Variants in DNAH6 observed in about 807,000 individuals in gnomAD.
The protein encoded by DNAH6 is dynein axonemal heavy chain 6.
DNAH6 carries 340 observed loss-of-function variants against 491.4 expected under a neutral mutation model. That is an observed-to-expected ratio of 0.69 (90% confidence interval 0.63 to 0.76). The LOEUF is 0.76. DNAH6 is among the 30% of genes least tolerant of loss of function. The pLI, the probability that DNAH6 is intolerant of heterozygous loss-of-function variation, is 0.00. For missense variants in DNAH6, 4,443 were observed against 4,972.2 expected (o/e 0.89, Z 3.20); for synonymous variants, 1,603 against 1,686.1 (o/e 0.95, Z 1.21).
chr2:84,718,997 T>C (rs2104913001), intron 59 of DNAH6, among the ~76,000 whole-genome samples: 1 of 152,370 alleles, frequency 6.6e-6, no homozygotes, highest in Non-Finnish European at 1.5e-5. Flanking sequence ...AAATTATTTC[T>C]CAGATTCAAA....
At chr2:84,781,335 A>G (rs1676676979) in intron 64 of DNAH6, among the ~76,000 whole-genome samples, 158 bp from the exon 65 acceptor site, 1 of 152,234 alleles carries the variant, frequency 6.6e-6, no homozygotes, top group African/African-American at 2.4e-5. Context: ...ATATTTTTAA[A>G]AACAAGAAAT....
intron 15 of DNAH6, among the ~76,000 whole-genome samples, chr2:84,587,505 G>A (rs1683684035): frequency 6.6e-6 from 1 of 152,136 alleles, no homozygotes; most frequent in South Asian, 2.1e-4. Context: ...TTCTATAGAA[G>A]GTTTGAAATT....
chr2:84,536,725 G>A (rs1677728171), intron 4 of DNAH6, among the ~76,000 whole-genome samples: 1 of 151,986 alleles, frequency 6.6e-6, no homozygotes, highest in South Asian at 2.1e-4. Context: ...GCCATTTGCT[G>A]CCTGCTACTT....
chr2:84,487,387 G>A, the DNAH6 span, among the ~76,000 whole-genome samples: 3 of 152,092 alleles, frequency 2.0e-5, no homozygotes, highest in South Asian at 2.1e-4. Flanking sequence ...CCACAGCCTC[G>A]ACTAGAATAA....
At chr2:84,479,080 T>C in the DNAH6 span, among the ~76,000 whole-genome samples, 1 of 151,392 alleles carries the variant, frequency 6.6e-6, no homozygotes, top group Non-Finnish European at 1.5e-5. Context: ...GCCATCAAGC[T>C]GTCCCTCTGA....
chr2:84,461,528 C>T, the DNAH6 span, among the ~76,000 whole-genome samples: 1 of 152,270 alleles, frequency 6.6e-6, no homozygotes, highest in East Asian at 1.9e-4. Flanking sequence ...GGTTCAAATT[C>T]CAACTCTGCC....
At position 84,722,724 on chromosome 2, in the gene DNAH6, G is replaced by T; in HGVS notation, c.9892G>T (p.Gly3298Cys). The change falls in exon 60 of 77, where the codon GGC becomes TGC. Residue 3298 changes from glycine to cysteine, a missense_variant. This residue lies in a region of DNAH6 where 1,463 missense variants were observed against 1,656.6 expected (regional missense o/e 0.88). Coordinates refer to ENST00000389394, the MANE Select transcript of DNAH6 (RefSeq NM_001370.2). ...REKYRPVATQ[G>C]SVMYFVIASL... ...GAAGTATCGTCCAGTGGCCACTCAAGGCTCTGTAATGTACTTTGTCATTGC... is the reference window on the plus strand; with the variant it reads ...GAAGTATCGTCCAGTGGCCACTCAATGCTCTGTAATGTACTTTGTCATTGC... 6.5e-7 allele frequency: 1 copy of T among 1,547,982 alleles called. No homozygotes were observed.
chr2:84,620,435 G>A (rs887362079), intron 24 of DNAH6, among the ~76,000 whole-genome samples: 1 of 152,166 alleles, frequency 6.6e-6, no homozygotes. Context: ...CCAAGAGAGT[G>A]AATATATTAG....
intron 9 of DNAH6, 93 bp downstream of exon 9, chr2:84,550,150 T>TAAA: frequency 1.2e-6 from 1 of 855,786 alleles, no homozygotes; most frequent in Non-Finnish European, 1.6e-6. Flanking sequence ...TTCTGTGCAC[T>TAAA]AAAAAAAAAA....
intron 51 of DNAH6, among the ~76,000 whole-genome samples, chr2:84,705,250 G>C (rs1159131259): frequency 6.6e-6 from 1 of 152,134 alleles, no homozygotes; most frequent in Non-Finnish European, 1.5e-5. Context: ...CTAAAACTGT[G>C]ATTTTGTAAT....
At chr2:84,733,397 T>C (rs1222666836) in intron 61 of DNAH6, 47 bp from the exon 62 acceptor site, 5 of 1,521,168 alleles carry the variant, frequency 3.3e-6, no homozygotes, top group Non-Finnish European at 4.5e-6. Context: ...AAAGTATATT[T>C]TGTGATTGCC....
chr2:84,498,103 CCAAA>C, the DNAH6 span, among the ~76,000 whole-genome samples: 6 of 152,284 alleles, frequency 3.9e-5, no homozygotes, highest in South Asian at 8.3e-4. Flanking sequence ...CTGCAGAAAA[CCAAA>C]CAACTTGTCC....
the DNAH6 span, among the ~76,000 whole-genome samples, chr2:84,508,777 C>T: frequency 3.2e-4 from 49 of 152,132 alleles, no homozygotes; most frequent in Non-Finnish European, 6.3e-4. Flanking sequence ...TCTTTGTTCT[C>T]GTTGGTTTCA....
Position 84,653,871 on chromosome 2 carries a change from T to C in DNAH6, c.5631T>C (p.Phe1877=). ...IKLTPQIHML[F]EVQDLRVASP... is the part of the protein sequence containing the mutation. The stretch of plus-strand genomic sequence containing the variant: ...TCACACCTCAAATTCACATGCTTTT[T>C]GAGGTAAGTGTACACATTACTGTGG... The change falls in exon 34 of 77, where the codon TTT becomes TTC. Residue 1877 remains phenylalanine (F), a synonymous_variant. Coordinates refer to ENST00000389394, the MANE Select transcript of DNAH6 (RefSeq NM_001370.2). The C allele has an allele frequency of 3.2e-6, 5 of 1,545,938 alleles. No homozygotes were observed. The highest frequency in any genetic ancestry group is 4.4e-6 in the Non-Finnish European group (5 of 1,143,686).
At chr2:84,516,022 T>C (rs1573469891), upstream of DNAH6, among the ~76,000 whole-genome samples, 1 of 152,080 alleles carries the variant, frequency 6.6e-6, no homozygotes. Flanking sequence ...GGTTGGCGGG[T>C]AGGGCAGGGA....
chr2:84,507,708 A>G, the DNAH6 span, among the ~76,000 whole-genome samples: 153 of 152,302 alleles, frequency 1.0e-3, no homozygotes, highest in Non-Finnish European at 1.8e-3. Flanking sequence ...TGGTTTTGTC[A>G]TAGATAGCTC....
chr2:84,528,417 C>A (rs1019875079), intron 3 of DNAH6, among the ~76,000 whole-genome samples: 2 of 152,144 alleles, frequency 1.3e-5, no homozygotes, highest in Non-Finnish European at 2.9e-5. Context: ...ATTCCCAACA[C>A]TCAATATAAC....
At chr2:84,694,524 G>A (rs1382351736) in intron 46 of DNAH6, 44 bp downstream of exon 46, 2 of 1,401,778 alleles carry the variant, frequency 1.4e-6, no homozygotes, top group South Asian at 2.5e-5. Context: ...GAAATGTATG[G>A]GTGTTACAAT....
chr2:84,543,905 G>C (rs1322085164), intron 4 of DNAH6, among the ~76,000 whole-genome samples: 1 of 152,026 alleles, frequency 6.6e-6, no homozygotes, highest in Non-Finnish European at 1.5e-5. Context: ...AGTTTCTGAA[G>C]AGTTAATAAT....
Sources: allele counts gnomAD v4.1 joint callset (sites outside exome capture counted in the v4.1 genomes callset), GRCh38; gene constraint gnomAD v4.1.1; regional missense constraint gnomAD v4.1.1; transcripts MANE v1.5; gene names NCBI Gene and HGNC (gene_info 2026-07-23, HGNC 2026-07-21).